PI4KB: variants seen among roughly 807,000 people sequenced by gnomAD.
PI4KB encodes the protein phosphatidylinositol 4-kinase beta, also known as PtdIns 4-kinase beta.
In PI4KB, 23 loss-of-function variants were observed where a neutral mutation model predicts 81.4. The observed-to-expected ratio is 0.28, with a 90% CI of 0.20 to 0.40. PI4KB has a LOEUF of 0.40. Ranked by LOEUF, PI4KB falls within the 10% of genes least tolerant of loss-of-function variation. PI4KB has a pLI of 1.00. For missense variants in PI4KB, 651 were observed against 1,036.6 expected, an observed-to-expected ratio of 0.63 and a Z score of 5.11; for synonymous variants, 381 against 406.8, an observed-to-expected ratio of 0.94 and a Z score of 0.76.
chr1:151,310,634 T>C (rs1696145079), intron 2 of PI4KB, among the ~76,000 whole-genome samples: 1 of 152,146 alleles, frequency 6.6e-6, no homozygotes, highest in Admixed American at 6.5e-5. Flanking sequence ...CCCACTCACA[T>C]GCTCTCAACC....
chr1:151,318,659 C>T (rs890892317), intron 1 of PI4KB, among the ~76,000 whole-genome samples: 5 of 151,976 alleles, frequency 3.3e-5, no homozygotes, highest in African/African-American at 1.2e-4. Flanking sequence ...TTGTGGTGAG[C>T]CGAGATCGCA....
intron 6 of PI4KB, among the ~76,000 whole-genome samples, chr1:151,302,744 AT>A (rs762143355): frequency 1.1e-4 from 16 of 144,814 alleles, no homozygotes; most frequent in African/African-American, 2.3e-4. Flanking sequence ...CGCCCAGCTA[AT>A]TTTTTTTTTG....
intron 1 of PI4KB, chr1:151,324,988 CT>C (rs572033691): frequency 0.11 from 42,479 of 370,290 alleles, 5 homozygotes; most frequent in Non-Finnish European, 0.14. Flanking sequence ...AGGAAAGCTG[CT>C]TTTTTTTTTT....
intron 8 of PI4KB, 95 bp downstream of exon 8, chr1:151,301,749 A>T (rs1695303958): frequency 1.3e-5 from 15 of 1,179,064 alleles, no homozygotes; most frequent in Non-Finnish European, 1.7e-5. Context: ...GGCCAGGCTG[A>T]TCTTGAACTC....
At chr1:151,316,877 C>T (rs1648042446) in intron 1 of PI4KB, among the ~76,000 whole-genome samples, 1 of 152,244 alleles carries the variant, frequency 6.6e-6, no homozygotes, top group Non-Finnish European at 1.5e-5. Context: ...GGCTGGAGTG[C>T]AGTGGCGCAA....
At chr1:151,315,437 A>G in intron 2 of PI4KB, 136 bp downstream of exon 2, 1 of 685,380 alleles carries the variant, frequency 1.5e-6, no homozygotes. Flanking sequence ...TTCCATTCTA[A>G]CATTCCATGC....
At chr1:151,310,348 T>G in intron 2 of PI4KB, 93 bp from the exon 3 acceptor site, 1 of 794,628 alleles carries the variant, frequency 1.3e-6, no homozygotes, top group Admixed American at 2.3e-5. Context: ...ACTTGGATCG[T>G]AACTGCTTCT....
chr1:151,310,177 GC>G, intron 3 of PI4KB, 33 bp downstream of exon 3: 1 of 1,553,270 alleles, frequency 6.4e-7, no homozygotes, highest in African/African-American at 1.4e-5. Context: ...CACTGGGGGA[GC>G]CTGCCACCCC....
At chr1:151,321,922 T>C (rs1334479107) in intron 1 of PI4KB, among the ~76,000 whole-genome samples, 1 of 102,076 alleles carries the variant, frequency 9.8e-6, no homozygotes, top group African/African-American at 3.7e-5. Flanking sequence ...CTAAAGAAAA[T>C]GAAAGGACTG....
At position 151,294,131 on chromosome 1, in the gene PI4KB, C is replaced by T. The variant is rs1286062069; in HGVS notation, c.2156G>A (p.Gly719Asp). Residue 719 changes from glycine to aspartate, a missense_variant, in exon 11 of 12, where the codon GGC (glycine) becomes GAC (aspartate). Transcript: ENST00000368873. ...KLTTEFVDVMGGLDGDMFNYY... is the reference protein window; with the variant it reads ...KLTTEFVDVMDGLDGDMFNYY... Reference sequence around the variant, plus strand: ...GTTGAACATGTCGCCATCCAGGCCGCCCATCACCTGGAAAGGGAAGAGAGC... The same window carrying T: ...GTTGAACATGTCGCCATCCAGGCCGTCCATCACCTGGAAAGGGAAGAGAGC... The T allele has an allele frequency of 6.2e-7, 1 of 1,613,156 alleles. No homozygotes were observed. Among genetic ancestry groups the T allele is most frequent in the Admixed American group, 1.7e-5 (1 of 59,970 alleles).
At chr1:151,302,319 C>A (rs1228125746) in intron 6 of PI4KB, 21 bp from the exon 7 acceptor site, 1 of 1,578,156 alleles carries the variant, frequency 6.3e-7, no homozygotes. Flanking sequence ...GAAAATACAT[C>A]ATTTGCTTGG....
At chr1:151,318,133 T>TAAATAAAAAAAA (rs1198536571) in intron 1 of PI4KB, among the ~76,000 whole-genome samples, 3 of 152,210 alleles carry the variant, frequency 2.0e-5, no homozygotes, top group African/African-American at 7.2e-5. Context: ...AATATTAAAG[T>TAAATAAAAAAAA]CTTGGCTAGG....
intron 1 of PI4KB, among the ~76,000 whole-genome samples, chr1:151,317,583 T>G (rs2101999235): frequency 6.6e-6 from 1 of 152,268 alleles, no homozygotes; most frequent in South Asian, 2.1e-4. Flanking sequence ...CGTAAAGTGT[T>G]GGAATTACAG....
intron 3 of PI4KB, among the ~76,000 whole-genome samples, chr1:151,308,128 G>A (rs1222581794): frequency 6.6e-6 from 1 of 152,188 alleles, no homozygotes; most frequent in Non-Finnish European, 1.5e-5. Context: ...GGGACATCTG[G>A]ATAGGTTAGC....
intron 6 of PI4KB, chr1:151,303,221 G>A (rs1401045404): frequency 3.0e-5 from 7 of 236,064 alleles, no homozygotes; most frequent in Non-Finnish European, 6.1e-5. Flanking sequence ...GGATGGTCTC[G>A]ATCTCCTGAC....
Position 151,316,314 on chromosome 1 carries a change from C to G in PI4KB, c.168G>C (p.Leu56Phe). 1 of 1,614,100 alleles carries G rather than the reference C, an allele frequency of 6.2e-7. No individual in the cohort carries two copies. Among genetic ancestry groups the G allele is most frequent in the Non-Finnish European group, 8.5e-7 (1 of 1,179,976 alleles). Residue 56 changes from leucine (L) to phenylalanine (F), a missense_variant, in exon 2 of 12, where the codon TTG (leucine) becomes TTC (phenylalanine). By Grantham distance (22) the Leu-to-Phe change is conservative (BLOSUM62 0). This residue lies in a region of PI4KB where 314 missense variants were observed against 397.8 expected (regional missense o/e 0.79). Coordinates refer to ENST00000368873, the MANE Select transcript of PI4KB (RefSeq NM_001369623.2). Reference protein sequence around the residue: ...EVAQKACQEVLEKVKLLHGGV... With the variant: ...EVAQKACQEVFEKVKLLHGGV... ...CTCCATGCAAAAGCTTGACTTTCTC[C>G]AACACCTCCTGGCAGGCCTTCTGGG...
chr1:151,323,506 T>C (rs527247709), intron 1 of PI4KB, among the ~76,000 whole-genome samples: 1 of 151,606 alleles, frequency 6.6e-6, no homozygotes, highest in African/African-American at 2.4e-5. Flanking sequence ...GTGGATCACC[T>C]GAGGTCAGGA....
At chr1:151,326,916 A>C (rs1649693480) in intron 1 of PI4KB, among the ~76,000 whole-genome samples, 1 of 152,188 alleles carries the variant, frequency 6.6e-6, no homozygotes, top group African/African-American at 2.4e-5. Context: ...GGTTTGGGGC[A>C]GGGGCAGAGA....
rs765282807 is a variant in PI4KB, at chr1:151,326,161, A to C, written c.-29+1110T>G. ...GCCTAAAATTAAATAATCTGAAACAAGTTTTCTCACAATCTCATTCAATTT... is the reference window on the plus strand; with the variant it reads ...GCCTAAAATTAAATAATCTGAAACACGTTTTCTCACAATCTCATTCAATTT... On this transcript the variant is annotated intron_variant, in intron 1 of 11. Transcript: ENST00000368873. 7 of 1,613,214 alleles carry C rather than the reference A, an allele frequency of 4.3e-6. No individual in the cohort carries two copies. In the East Asian group the frequency reaches 1.3e-4, roughly 31 times the overall value.
Sources: gnomAD v4.1 joint callset for allele counts (sites outside exome capture counted in the v4.1 genomes callset) on GRCh38, gnomAD v4.1.1 for gene constraint, gnomAD v4.1.1 regional missense constraint, MANE v1.5 for transcripts, NCBI Gene and HGNC (gene_info 2026-07-23, HGNC 2026-07-21) for gene names.